The following NSD2 variants were observed in gnomAD, a reference collection of about 807,000 sequenced individuals.
NSD2 encodes the protein histone-lysine N-methyltransferase NSD2.
Under a neutral mutation model 139.0 loss-of-function variants are expected in NSD2, and 12 were observed. The observed-to-expected ratio is 0.09, with a 90% CI of 0.06 to 0.14. The LOEUF (loss-of-function observed/expected upper bound fraction) is 0.14, where lower values mean the gene tolerates loss of function less well. Among genes scored for constraint, NSD2 ranks in the 10% least tolerant of loss-of-function variants. The pLI is 1.00. For missense variants in NSD2, 1,155 were observed against 1,745.0 expected, an observed-to-expected ratio of 0.66 and a Z score of 6.02; for synonymous variants, 669 against 648.7, an observed-to-expected ratio of 1.03 and a Z score of -0.48.
At chr4:1,913,819 C>T (rs749674511) in intron 3 of NSD2, among the ~76,000 whole-genome samples, 9 of 152,018 alleles carry the variant, frequency 5.9e-5, no homozygotes, top group Non-Finnish European at 1.2e-4. Flanking sequence ...GTCTTTTCTT[C>T]AATCTCTTTG....
chr4:1,951,023 C>CT (rs1560743317), intron 9 of NSD2, 49 bp from the exon 10 acceptor site: 2 of 1,605,738 alleles, frequency 1.2e-6, no homozygotes. Context: ...CATGGCCACC[C>CT]GCTGTGTTCT....
intron 11 of NSD2, chr4:1,952,998 CAAG>C: frequency 7.0e-7 from 1 of 1,438,072 alleles, no homozygotes; most frequent in East Asian, 2.5e-5. Context: ...CAGCTGCTCT[CAAG>C]GAGGAAAGGC....
At chr4:1,911,608 G>A (rs200692724) in intron 3 of NSD2, among the ~76,000 whole-genome samples, 10,996 of 102,326 alleles carry the variant, frequency 0.11, 564 homozygotes, top group Middle Eastern at 0.19. Context: ...AAAAAAAAAA[G>A]AAAAAAAAAA....
chr4:1,963,195 T>TG (rs1404416264), intron 18 of NSD2, among the ~76,000 whole-genome samples: 1 of 152,028 alleles, frequency 6.6e-6, no homozygotes, highest in African/African-American at 2.4e-5. Flanking sequence ...AAAGGCAAGA[T>TG]GGGAAGCAGG....
intron 17 of NSD2, among the ~76,000 whole-genome samples, chr4:1,960,513 A>T (rs1044175312): frequency 5.9e-5 from 9 of 152,200 alleles, no homozygotes; most frequent in African/African-American, 2.2e-4. Context: ...GCTGACCCTG[A>T]TGTATTTTGG....
intron 16 of NSD2, among the ~76,000 whole-genome samples, chr4:1,959,045 G>A (rs1725111280): frequency 6.6e-6 from 1 of 152,178 alleles, no homozygotes; most frequent in Non-Finnish European, 1.5e-5. Context: ...CATGTGGCTT[G>A]CTGCTGGTGC....
intron 9 of NSD2, chr4:1,947,578 C>A (rs2108927030): frequency 1.9e-6 from 2 of 1,053,072 alleles, no homozygotes; most frequent in Non-Finnish European, 2.3e-6. Context: ...TATTTTAATT[C>A]CACTTTAACA....
Position 1,951,157 on chromosome 4 carries a change from A to C in NSD2, c.1967A>C (p.Lys656Thr). 6.2e-7 allele frequency: 1 copy of C among 1,614,234 alleles called. No homozygotes were observed. ...ETQTEVSVSS[K>T]KSERGVTAKK... ...CAAACTGAAGTATCTGTCTCATCCAAAAAGTCTGAGCGAGGAGTGACTGCC... is the reference window on the plus strand; with the variant it reads ...CAAACTGAAGTATCTGTCTCATCCACAAAGTCTGAGCGAGGAGTGACTGCC... The change falls in exon 10 of 22, where the codon AAA (lysine) becomes ACA (threonine). Residue 656 changes from lysine to threonine, a missense_variant. Physicochemically the swap from Lys to Thr is moderately conservative, Grantham distance 78. Around this residue, in one of 8 missense-constraint regions of NSD2, gnomAD observed 420 missense variants for 469.0 expected, o/e 0.90. Coordinates refer to ENST00000508803, the MANE Select transcript of NSD2 (RefSeq NM_001042424.3).
chr4:1,897,306 A>T (rs1441316766), intron 1 of NSD2, among the ~76,000 whole-genome samples: 1 of 152,072 alleles, frequency 6.6e-6, no homozygotes, highest in East Asian at 1.9e-4. Flanking sequence ...ATATAGTGAG[A>T]TCCATCTCTA....
In NSD2 at chr4:1,948,426, A is replaced by T. The variant is rs1723862484; in HGVS notation, c.1882-2646A>T. On this transcript the variant is annotated intron_variant, in intron 9 of 21. Coordinates refer to ENST00000508803, the MANE Select transcript of NSD2 (RefSeq NM_001042424.3). This position sits in a 1 kb window ranked among gnomAD's most constrained non-coding sequence, Gnocchi z 4.5. ...CACGTCACCTGGTGCGTGGAGGTGG[A>T]GCCTGCGGCTGGAGTAAGGCTTGCT... The T allele has an allele frequency of 9.4e-7, 1 of 1,066,254 alleles. No individual in the cohort carries two copies. 66.0% of individuals were successfully genotyped at this position (1,066,254 alleles called of 1,614,324 possible).
Position 1,900,708 on chromosome 4 carries a change from C to T in NSD2, c.54C>T (p.Cys18=), listed in dbSNP as rs1282146141. 5.0e-6 allele frequency: 8 copies of T among 1,613,116 alleles called. No individual in the cohort carries two copies. The highest frequency in any genetic ancestry group is 4.5e-5 in the East Asian group (2 of 44,878). The change falls in exon 2 of 22, where the codon TGC becomes TGT. Residue 18 remains cysteine (C), a synonymous_variant. Coordinates refer to ENST00000508803, the MANE Select transcript of NSD2 (RefSeq NM_001042424.3). The stretch of plus-strand genomic sequence containing the variant: ...TTTCTGTTCAGAGTGTTGTAAAGTG[C>T]ATAAAGATGAAGCAGGCACCAGAAA... ...SPLSVQSVVK[C]IKMKQAPEIL...
chr4:1,941,133 TC>T, intron 9 of NSD2: 1 of 1,054,444 alleles, frequency 9.5e-7, no homozygotes, highest in South Asian at 4.6e-5. Flanking sequence ...AAATTATTTT[TC>T]CTTTTTCCTT....
chr4:1,925,994 G>C (rs1720861587), intron 5 of NSD2, among the ~76,000 whole-genome samples: 1 of 151,366 alleles, frequency 6.6e-6, no homozygotes, highest in African/African-American at 2.4e-5. Flanking sequence ...ATAGGGATGA[G>C]GTCTTGCTAT....
chr4:1,941,717 T>C, intron 9 of NSD2: 2 of 1,047,032 alleles, frequency 1.9e-6, no homozygotes, highest in South Asian at 9.2e-5. Context: ...ACTGGGTCTT[T>C]TCCATTAAAC....
At chr4:1,963,979 C>T (rs1222087990) in intron 18 of NSD2, among the ~76,000 whole-genome samples, 1 of 152,054 alleles carries the variant, frequency 6.6e-6, no homozygotes, top group Non-Finnish European at 1.5e-5. Context: ...GCCTGGGGGA[C>T]GGAATGGGAA....
chr4:1,885,184 G>T (rs899936324), intron 1 of NSD2, among the ~76,000 whole-genome samples: 2 of 152,074 alleles, frequency 1.3e-5, no homozygotes, highest in African/African-American at 4.8e-5. Flanking sequence ...AGTGCTGCTT[G>T]TTTGTCCACT....
At position 1,942,322 on chromosome 4, in the gene NSD2, G is replaced by A. The variant is rs147820133; in HGVS notation, c.1881+2544G>A. On this transcript the variant is annotated intron_variant, in intron 9 of 21. Transcript: ENST00000508803. This position sits in a 1 kb window ranked among gnomAD's most constrained non-coding sequence, Gnocchi z 4.0. ...AGTAGAGCAAATTCTTATTTTTTTC[G>A]CCTTCACTGGTAACAGCTTTTGTGG... 1,156 of 1,609,628 alleles carry A rather than the reference G, an allele frequency of 7.2e-4. 22 individuals are homozygous for A. The East Asian group carries it at 0.021, about 30-fold the overall frequency.
chr4:1,947,685 C>G, intron 9 of NSD2: 1 of 1,054,426 alleles, frequency 9.5e-7, no homozygotes. Context: ...CATTTGTAAA[C>G]GCAAACACTG....
At chr4:1,962,213 A>G (rs961204081) in intron 18 of NSD2, among the ~76,000 whole-genome samples, 1 of 152,230 alleles carries the variant, frequency 6.6e-6, no homozygotes, top group East Asian at 1.9e-4. Flanking sequence ...CTCTGTGTCA[A>G]TCACAGGTCG....
Sources: gnomAD v4.1 joint callset for allele counts (sites outside exome capture counted in the v4.1 genomes callset) on GRCh38, gnomAD v4.1.1 for gene constraint, gnomAD v4.1.1 regional missense constraint, Gnocchi (gnomAD v3.1) non-coding constraint, MANE v1.5 for transcripts, NCBI Gene and HGNC (gene_info 2026-07-23, HGNC 2026-07-21) for gene names.